Variants in PLEKHA5 observed in about 807,000 individuals in gnomAD.
PLEKHA5 encodes the protein pleckstrin homology domain-containing family A member 5.
Under a neutral mutation model 181.9 loss-of-function variants are expected in PLEKHA5, and 55 were observed. The observed-to-expected ratio is 0.30, with a 90% CI of 0.24 to 0.38. The LOEUF (loss-of-function observed/expected upper bound fraction) is 0.38. PLEKHA5 is among the 10% of genes least tolerant of loss of function. The pLI is 1.00. For missense variants in PLEKHA5, 1,432 were observed against 1,549.5 expected (o/e 0.92, Z 1.27); for synonymous variants, 535 against 529.4 (o/e 1.01, Z -0.15).
Position 19,130,324 on chromosome 12 carries a change from C to A in PLEKHA5, c.169+194C>A, listed in dbSNP as rs538539192. On this transcript the variant is annotated intron_variant, in intron 2 of 31. Coordinates refer to ENST00000429027, the MANE Select transcript of PLEKHA5 (RefSeq NM_001256470.2). The surrounding 1 kb of genome is among the most constrained non-coding windows in gnomAD (Gnocchi z 4.5). ...CCGGGAGTTCTCTCCAGTCTCGGGG[C>A]GCCTCTTTCTCCTCAGCCTTTCATC... is the stretch of plus-strand genomic sequence containing the variant. Among the ~76,000 whole-genome samples, 1 of 151,984 alleles carries A rather than the reference C, an allele frequency of 6.6e-6. No individual in the cohort carries two copies. Among genetic ancestry groups the A allele is most frequent in the African/African-American group, 2.4e-5 (1 of 41,502 alleles).
intron 3 of PLEKHA5, among the ~76,000 whole-genome samples, chr12:19,168,295 T>A (rs534719903): frequency 6.6e-6 from 1 of 152,334 alleles, no homozygotes; most frequent in African/African-American, 2.4e-5. Flanking sequence ...ATTGAAATTG[T>A]GTATTTGGAT....
chr12:19,316,752 C>T (rs1308424369), intron 16 of PLEKHA5, among the ~76,000 whole-genome samples: 2 of 151,928 alleles, frequency 1.3e-5, no homozygotes, highest in African/African-American at 2.4e-5. Flanking sequence ...AGTGACAGCC[C>T]GACACATTTT....
At chr12:19,206,243 G>A (rs1325501229) in intron 3 of PLEKHA5, among the ~76,000 whole-genome samples, 5 of 151,586 alleles carry the variant, frequency 3.3e-5, no homozygotes, top group African/African-American at 1.2e-4. Context: ...AAGTTAAAGG[G>A]CGATATTTTT....
chr12:19,293,185 C>A (rs1046939341), intron 15 of PLEKHA5, among the ~76,000 whole-genome samples: 1 of 151,940 alleles, frequency 6.6e-6, no homozygotes, highest in African/African-American at 2.4e-5. Context: ...TTTATATTTG[C>A]CTGTTTGAAA....
At chr12:19,268,738 A>G (rs932298734) in intron 8 of PLEKHA5, among the ~76,000 whole-genome samples, 9 of 152,162 alleles carry the variant, frequency 5.9e-5, no homozygotes, top group African/African-American at 2.2e-4. Context: ...GATCGTCTTG[A>G]TACCAACCCA....
intron 3 of PLEKHA5, among the ~76,000 whole-genome samples, chr12:19,173,460 CAA>C (rs5796791): frequency 2.6e-5 from 4 of 150,950 alleles, no homozygotes; most frequent in Admixed American, 6.6e-5. Context: ...AAGGATTCTC[CAA>C]AAAAAAAAAT....
chr12:19,280,729 C>A (rs899434448), intron 11 of PLEKHA5, among the ~76,000 whole-genome samples: 2 of 148,510 alleles, frequency 1.3e-5, no homozygotes, highest in African/African-American at 5.0e-5. Flanking sequence ...TTTAATTTTT[C>A]TTTTTCTTTT....
At chr12:19,344,586 T>C (rs2094181973) in intron 22 of PLEKHA5, among the ~76,000 whole-genome samples, 1 of 152,242 alleles carries the variant, frequency 6.6e-6, no homozygotes, top group African/African-American at 2.4e-5. Flanking sequence ...CATATGTTAG[T>C]ACTTAATGGA....
At chr12:19,223,233 T>C (rs959390390) in intron 3 of PLEKHA5, among the ~76,000 whole-genome samples, 4 of 152,138 alleles carry the variant, frequency 2.6e-5, no homozygotes, top group African/African-American at 9.7e-5. Flanking sequence ...ACATGGGTAA[T>C]GAAAACAATA....
At chr12:19,195,514 C>T (rs1034788731) in intron 3 of PLEKHA5, among the ~76,000 whole-genome samples, 2 of 151,302 alleles carry the variant, frequency 1.3e-5, no homozygotes, top group African/African-American at 4.9e-5. Flanking sequence ...CAAAAAAATA[C>T]AAAAATTTAG....
chr12:19,370,508 T>C (rs1252378739), intron 31 of PLEKHA5, among the ~76,000 whole-genome samples: 1 of 152,150 alleles, frequency 6.6e-6, no homozygotes, highest in Non-Finnish European at 1.5e-5. Flanking sequence ...TTTTAACTTT[T>C]TATAAAAGCT....
At chr12:19,374,531 C>A (rs1207821232) in intron 31 of PLEKHA5, among the ~76,000 whole-genome samples, 5 of 151,864 alleles carry the variant, frequency 3.3e-5, no homozygotes, top group Admixed American at 3.3e-4. Flanking sequence ...TGGTGGCATG[C>A]ACCTGTAGTC....
intron 11 of PLEKHA5, among the ~76,000 whole-genome samples, chr12:19,275,335 C>T (rs1371190880): frequency 6.6e-6 from 1 of 152,068 alleles, no homozygotes; most frequent in South Asian, 2.1e-4. Context: ...CTCTGACTGT[C>T]CTCCATTACC....
At chr12:19,257,945 C>T (rs544884568) in intron 6 of PLEKHA5, among the ~76,000 whole-genome samples, 2 of 148,014 alleles carry the variant, frequency 1.4e-5, no homozygotes, top group Non-Finnish European at 2.9e-5. Flanking sequence ...TTGTATATTT[C>T]CCCCCTTTAT....
intron 16 of PLEKHA5, among the ~76,000 whole-genome samples, chr12:19,318,046 C>T (rs757159965): frequency 2.0e-5 from 3 of 149,174 alleles, no homozygotes; most frequent in Admixed American, 6.8e-5. Flanking sequence ...TCGGTAGGGC[C>T]AGGGGTTGGG....
At chr12:19,280,591 G>C (rs2075857815) in intron 11 of PLEKHA5, among the ~76,000 whole-genome samples, 1 of 152,070 alleles carries the variant, frequency 6.6e-6, no homozygotes, top group Non-Finnish European at 1.5e-5. Context: ...TGAAAGAAGA[G>C]ATCAGAAAAC....
At chr12:19,221,733 G>A (rs1253097028) in intron 3 of PLEKHA5, among the ~76,000 whole-genome samples, 1 of 152,092 alleles carries the variant, frequency 6.6e-6, no homozygotes, top group Admixed American at 6.5e-5. Context: ...GGCAAAAAAG[G>A]TGCTCACCTA....
At chr12:19,175,833 C>A (rs1475669041) in intron 3 of PLEKHA5, among the ~76,000 whole-genome samples, 1 of 152,102 alleles carries the variant, frequency 6.6e-6, no homozygotes, top group Non-Finnish European at 1.5e-5. Flanking sequence ...AATTTAAATT[C>A]TCTTAAACAA....
chr12:19,287,384 A>G (rs1432812373), intron 12 of PLEKHA5, 89 bp from the exon 13 acceptor site: 8 of 780,260 alleles, frequency 1.0e-5, no homozygotes, highest in Non-Finnish European at 1.6e-5. Flanking sequence ...ATGGTATTTC[A>G]TAATAGGAAT....
Sources: gnomAD v4.1 joint callset for allele counts (sites outside exome capture counted in the v4.1 genomes callset) on GRCh38, gnomAD v4.1.1 for gene constraint, Gnocchi (gnomAD v3.1) non-coding constraint, MANE v1.5 for transcripts, NCBI Gene and HGNC (gene_info 2026-07-23, HGNC 2026-07-21) for gene names.